Variants in DIAPH2 observed in about 807,000 individuals in gnomAD.
DIAPH2 encodes the protein diaphanous related formin 2.
A neutral mutation model predicts 92.7 loss-of-function variants in DIAPH2; 35 were observed. The observed-to-expected ratio is 0.38, with a 90% CI of 0.29 to 0.50. The LOEUF is 0.50. Among genes scored for constraint, DIAPH2 ranks in the 20% least tolerant of loss-of-function variants. The probability of loss-of-function intolerance (pLI) is 0.94; values close to 1 mark genes in which losing one functional copy is unlikely to be tolerated. For missense variants in DIAPH2, 701 were observed against 819.5 expected (o/e 0.86, Z 1.77); for synonymous variants, 301 against 280.4 (o/e 1.07, Z -0.73).
chrX:97,595,419 C>G (rs2071543915), intron 26 of DIAPH2, among the ~76,000 whole-genome samples: 1 of 111,975 alleles, frequency 8.9e-6, no homozygotes, highest in Non-Finnish European at 1.9e-5. Flanking sequence ...GCCTTGACAT[C>G]TGTTTGAGCT....
chrX:97,195,728 G>T (rs2067697388), intron 22 of DIAPH2, among the ~76,000 whole-genome samples: 1 of 106,726 alleles, frequency 9.4e-6, no homozygotes. Context: ...GTCTAAGCCC[G>T]CACTGGCCTA....
At chrX:96,785,618 C>G (rs755150943) in intron 4 of DIAPH2, among the ~76,000 whole-genome samples, 4 of 107,221 alleles carry the variant, frequency 3.7e-5, no homozygotes, top group Non-Finnish European at 7.7e-5. Context: ...ATTACAGGTG[C>G]CTGCCACCAT....
chrX:97,367,436 G>A (rs755647148), intron 24 of DIAPH2, among the ~76,000 whole-genome samples: 1 of 111,606 alleles, frequency 9.0e-6, no homozygotes, highest in African/African-American at 3.3e-5. Flanking sequence ...TTTCCAGTTT[G>A]GAAAAGAGGA....
intron 24 of DIAPH2, among the ~76,000 whole-genome samples, chrX:97,357,249 C>T (rs1406567370): frequency 8.9e-6 from 1 of 111,893 alleles, no homozygotes; most frequent in Non-Finnish European, 1.9e-5. Flanking sequence ...CCTGTTTCAA[C>T]CTAAGCATGA....
intron 26 of DIAPH2, among the ~76,000 whole-genome samples, chrX:97,502,871 G>A (rs1248333239): frequency 8.9e-6 from 1 of 112,315 alleles, no homozygotes; most frequent in African/African-American, 3.2e-5. Context: ...ACAGTACATT[G>A]AGTCTTACCA....
At chrX:96,921,013 A>G (rs1370054331) in intron 9 of DIAPH2, among the ~76,000 whole-genome samples, 3 of 112,025 alleles carry the variant, frequency 2.7e-5, no homozygotes, top group South Asian at 7.4e-4. Flanking sequence ...CAAAAACCCA[A>G]AAGTTTAAAT....
chrX:97,487,210 T>C (rs920082387), intron 26 of DIAPH2, among the ~76,000 whole-genome samples: 7 of 112,500 alleles, frequency 6.2e-5, no homozygotes, highest in Non-Finnish European at 1.3e-4. Flanking sequence ...TTGGCTGTTG[T>C]GAATAATGCT....
intron 26 of DIAPH2, among the ~76,000 whole-genome samples, chrX:97,486,560 T>C (rs1467172407): frequency 8.9e-6 from 1 of 111,785 alleles, no homozygotes; most frequent in Non-Finnish European, 1.9e-5. Flanking sequence ...CCTGTGGCCA[T>C]TCTAAGCATT....
Position 96,978,313 on chromosome X carries a change from A to C in DIAPH2, c.2050+13106A>C, listed in dbSNP as rs186903697. Among the ~76,000 whole-genome samples, 80 of 111,025 alleles carry C rather than the reference A, an allele frequency of 7.2e-4. 5 individuals are homozygous for C. In the East Asian group the frequency reaches 8.2e-3, roughly 11 times the overall value. On this transcript the variant is annotated intron_variant, in intron 17 of 26. Transcript: ENST00000324765. Reference sequence around the variant, plus strand: ...CGTATTTCAGTAATTTGTGTTCATTACTCAGTTTTGCCTAATTTAAGGATA... The same window carrying C: ...CGTATTTCAGTAATTTGTGTTCATTCCTCAGTTTTGCCTAATTTAAGGATA...
chrX:96,774,504 C>T (rs1305188776), intron 4 of DIAPH2, among the ~76,000 whole-genome samples: 1 of 111,568 alleles, frequency 9.0e-6, no homozygotes, highest in Non-Finnish European at 1.9e-5. Context: ...ATGACTCTGC[C>T]GATATGGTCT....
chrX:97,185,395 G>GTGTATATATATA (rs2067580984), intron 22 of DIAPH2, among the ~76,000 whole-genome samples: 2 of 17,855 alleles, frequency 1.1e-4, no homozygotes, highest in South Asian at 4.1e-3. Context: ...ATATATATGT[G>GTGTATATATATA]TATATATATA....
At chrX:97,491,697 C>G (rs1320080683) in intron 26 of DIAPH2, among the ~76,000 whole-genome samples, 1 of 112,065 alleles carries the variant, frequency 8.9e-6, no homozygotes, top group Non-Finnish European at 1.9e-5. Flanking sequence ...CACCAGGCCT[C>G]CATTTACATT....
At position 97,599,283 on chromosome X, in the gene DIAPH2, G is replaced by A. The variant is rs748889750; in HGVS notation, c.3272G>A (p.Arg1091His). The change falls in exon 27 of 27, where the codon CGC becomes CAC. Residue 1091 changes from arginine to histidine, a missense_variant. Physicochemically the swap from Arg to His is conservative, Grantham distance 29. Around this residue, in one of 3 missense-constraint regions of DIAPH2, gnomAD observed 536 missense variants for 599.3 expected, o/e 0.89. Coordinates refer to ENST00000324765, the MANE Select transcript of DIAPH2 (RefSeq NM_006729.5). Reference protein sequence around the residue: ...DNRRVPLERSRSRHNGAISSK With the variant: ...DNRRVPLERSHSRHNGAISSK Reference sequence around the variant, plus strand: ...AGACGAGTACCTTTGGAAAGGTCACGCTCTCGCCACAATGGAGCTATCTCA... The same window carrying A: ...AGACGAGTACCTTTGGAAAGGTCACACTCTCGCCACAATGGAGCTATCTCA... 20 of 1,193,235 alleles carry A rather than the reference G, an allele frequency of 1.7e-5. No homozygotes were observed. Among genetic ancestry groups the A allele is most frequent in the East Asian group, 3.0e-5 (1 of 33,099 alleles).
chrX:96,792,341 AG>A (rs776979456), intron 4 of DIAPH2, among the ~76,000 whole-genome samples: 51 of 111,353 alleles, frequency 4.6e-4, no homozygotes, highest in African/African-American at 1.6e-3. Flanking sequence ...ATAATGCTGG[AG>A]CTCTCCTTTG....
At chrX:97,265,807 A>G (rs2068331580) in intron 23 of DIAPH2, among the ~76,000 whole-genome samples, 1 of 112,048 alleles carries the variant, frequency 8.9e-6, no homozygotes. Flanking sequence ...TTTGGAGATA[A>G]CTATACTAAT....
At chrX:97,069,614 A>G (rs1423633904) in intron 17 of DIAPH2, among the ~76,000 whole-genome samples, 2 of 111,752 alleles carry the variant, frequency 1.8e-5, no homozygotes, top group Non-Finnish European at 3.8e-5. Flanking sequence ...AAGCTAATTC[A>G]TAGTAGGTGC....
intron 23 of DIAPH2, among the ~76,000 whole-genome samples, chrX:97,332,832 T>C (rs1923840647): frequency 9.0e-6 from 1 of 111,723 alleles, no homozygotes; most frequent in African/African-American, 3.2e-5. Context: ...TTCTAAGTAA[T>C]TTCATAACTG....
At chrX:96,873,649 C>T (rs200799827) in intron 4 of DIAPH2, among the ~76,000 whole-genome samples, 2,171 of 29,277 alleles carry the variant, frequency 0.074, 31 homozygotes, top group Non-Finnish European at 0.096. Context: ...TATATATATA[C>T]ACACACACAC....
Position 96,775,719 on chromosome X carries a change from A to G in DIAPH2, c.447+17461A>G, listed in dbSNP as rs148594844. 8.7e-3 allele frequency among the ~76,000 whole-genome samples: 971 copies of G among 111,017 alleles called. 8 individuals carry two copies. The highest frequency in any genetic ancestry group is 0.031 in the African/African-American group (941 of 30,547). ...CTTTGAAGACCTGGGGGTTTAGGTC[A>G]TGGCTCTCTCTCTTAATGGCTAAGT... On this transcript the variant is annotated intron_variant, in intron 4 of 26. Transcript: ENST00000324765.
Sources: allele counts gnomAD v4.1 joint callset (sites outside exome capture counted in the v4.1 genomes callset), GRCh38; gene constraint gnomAD v4.1.1; regional missense constraint gnomAD v4.1.1; transcripts MANE v1.5; gene names NCBI Gene and HGNC (gene_info 2026-07-23, HGNC 2026-07-21).